The following TRIM59 variants were observed in gnomAD, a reference collection of about 807,000 sequenced individuals.
TRIM59 encodes tripartite motif-containing protein 59.
A neutral mutation model predicts 32.2 loss-of-function variants in TRIM59; 14 were observed. The observed-to-expected ratio is 0.43, with a 90% confidence interval of 0.29 to 0.68. The LOEUF (loss-of-function observed/expected upper bound fraction) is 0.68, where lower values mean the gene tolerates loss of function less well. TRIM59 is among the 30% of genes least tolerant of loss of function. The probability of loss-of-function intolerance (pLI) is 0.15; values close to 1 mark genes in which losing one functional copy is unlikely to be tolerated. For missense variants in TRIM59, 471 were observed against 463.3 expected (o/e 1.02, Z -0.15); for synonymous variants, 163 against 155.1 (o/e 1.05, Z -0.38).
Position 160,437,142 on chromosome 3 carries a change from AG to A in TRIM59, c.*829del. The A allele has an allele frequency of 1.2e-6, 1 of 862,824 alleles. No individual in the cohort carries two copies. The highest frequency in any genetic ancestry group is 1.4e-6 in the Non-Finnish European group (1 of 718,400). 53.4% of individuals were successfully genotyped at this position (862,824 alleles called of 1,614,324 possible). A position where few individuals can be genotyped will look rare whatever the true frequency, so the allele number is the denominator to read the frequency against. On this transcript the variant is annotated 3_prime_UTR_variant, in exon 3 of 3. Coordinates refer to ENST00000309784, the MANE Select transcript of TRIM59 (RefSeq NM_173084.3). The stretch of plus-strand genomic sequence containing the variant: ...CAAGGTGGGCAGATCTCTTGAGCCC[AG>A]AAGTTTGAGACCAACCTGGGCAATA...
At chr3:160,442,399 T>G (rs1232256889) in intron 2 of TRIM59, among the ~76,000 whole-genome samples, 1 of 152,184 alleles carries the variant, frequency 6.6e-6, no homozygotes, top group East Asian at 1.9e-4. Flanking sequence ...CTGGCCAACA[T>G]GGTGAAACCC....
rs1311412860 is a variant in TRIM59 at position 160,438,164 on chromosome 3, T to C, written c.1020A>G (p.Val340=). ...LNIVVVTLIS[V]ILMSILFFNQ... is the part of the protein sequence containing the mutation. ...TGAAAAAGAGTATCGACATCAGTAT[T>C]ACTGAAATTAATGTAACTACAACAA... is the stretch of plus-strand genomic sequence containing the variant. The change falls in exon 3 of 3, where the codon GTA becomes GTG. Residue 340 remains valine (V), a synonymous_variant. Transcript: ENST00000309784. 3 of 1,612,066 alleles carry C rather than the reference T, an allele frequency of 1.9e-6. No homozygotes were observed. Among genetic ancestry groups the C allele is most frequent in the Non-Finnish European group, 2.5e-6 (3 of 1,179,328 alleles).
Position 160,449,729 on chromosome 3 carries a change from G to A in TRIM59, c.-86C>T, listed in dbSNP as rs1394836351. The A allele has an allele frequency of 6.2e-6, 8 of 1,289,994 alleles. No homozygotes were observed. The highest frequency in any genetic ancestry group is 1.1e-4 in the East Asian group (2 of 18,022). 79.9% of individuals were successfully genotyped at this position (1,289,994 alleles called of 1,614,324 possible). The stretch of plus-strand genomic sequence containing the variant: ...TCCTTAGACTCACCGCGGGGAGGAA[G>A]CGGACCAGGCAACTCCACAGCACGG... On this transcript the variant is annotated 5_prime_UTR_variant, in exon 1 of 3. Coordinates refer to ENST00000309784, the MANE Select transcript of TRIM59 (RefSeq NM_173084.3).
In TRIM59 at chr3:160,436,069, G is replaced by C. The variant is rs934144157; in HGVS notation, c.*1903C>G. 8.6e-6 allele frequency: 10 copies of C among 1,167,652 alleles called. No homozygotes were observed. The highest frequency in any genetic ancestry group is 3.9e-4 in the Middle Eastern group (1 of 2,580). The allele number at this position is 1,167,652 out of a possible 1,614,324, so 72.3% of individuals were successfully genotyped here. ...TATTTTTATCTCTAGCTGAGTATGT[G>C]TCTCTCCTTACCTCTACTATGCCCT... is the stretch of plus-strand genomic sequence containing the variant. On this transcript the variant is annotated 3_prime_UTR_variant, in exon 3 of 3. Transcript: ENST00000309784.
rs183644725 is a variant in TRIM59 at position 160,441,670 on chromosome 3, C to T, written c.-3-2484G>A. 4.7e-5 allele frequency among the ~76,000 whole-genome samples: 7 copies of T among 149,252 alleles called. No homozygotes were observed. The East Asian group carries it at 7.9e-4, about 17-fold the overall frequency. Reference sequence around the variant, plus strand: ...TTGGGAGGCTAAGGCAGGAGAATGGCGTCAACCCGGGAGGCAGAGCTTGCA... The same window carrying T: ...TTGGGAGGCTAAGGCAGGAGAATGGTGTCAACCCGGGAGGCAGAGCTTGCA... On this transcript the variant is annotated intron_variant, in intron 2 of 2. Coordinates refer to ENST00000309784, the MANE Select transcript of TRIM59 (RefSeq NM_173084.3).
Position 160,437,872 on chromosome 3 carries a change from C to A in TRIM59, c.*100G>T. 2 of 1,371,188 alleles carry A rather than the reference C, an allele frequency of 1.5e-6. No individual in the cohort carries two copies. The highest frequency in any genetic ancestry group is 2.6e-5 in the East Asian group (1 of 38,444). The allele number at this position is 1,371,188 out of a possible 1,614,324, so 84.9% of individuals were successfully genotyped here. On this transcript the variant is annotated 3_prime_UTR_variant, in exon 3 of 3. Coordinates refer to ENST00000309784, the MANE Select transcript of TRIM59 (RefSeq NM_173084.3). ...TATAAACATTTGTTTATATTAGTTG[C>A]AGCACTAATAAAGCTTAGTTTGCTC...
At chr3:160,439,672 T>C (rs1338723867) in intron 2 of TRIM59, among the ~76,000 whole-genome samples, 1 of 152,172 alleles carries the variant, frequency 6.6e-6, no homozygotes, top group Non-Finnish European at 1.5e-5. Context: ...TCTCTTTTCT[T>C]GTCTGCCGCC....
rs554826264 is a variant in TRIM59, at chr3:160,435,560, AT to A, written c.*2411del. Reference sequence around the variant, plus strand: ...ATTTTGTTATACATAAAACTTAGAAATATTTCAAGATTTACATACATCAACT... The same window carrying A: ...ATTTTGTTATACATAAAACTTAGAAAATTTCAAGATTTACATACATCAACT... On this transcript the variant is annotated 3_prime_UTR_variant, in exon 3 of 3. Coordinates refer to ENST00000309784, the MANE Select transcript of TRIM59 (RefSeq NM_173084.3). 24 of 168,496 alleles carry A rather than the reference AT, an allele frequency of 1.4e-4. No homozygotes were observed. The South Asian group carries it at 3.1e-3, about 22-fold the overall frequency. The allele number at this position is 168,496 out of a possible 1,614,324, so 10.4% of individuals were successfully genotyped here. A position where few individuals can be genotyped will look rare whatever the true frequency, so the allele number is the denominator to read the frequency against.
rs917000264 is a variant in TRIM59, at chr3:160,435,532, CAT to C, written c.*2438_*2439del. 1.8e-5 allele frequency: 3 copies of C among 165,762 alleles called. No individual in the cohort carries two copies. Among genetic ancestry groups the C allele is most frequent in the African/African-American group, 7.2e-5 (3 of 41,578 alleles). 10.3% of individuals were successfully genotyped at this position (165,762 alleles called of 1,614,324 possible). ...ATATCAAAAGAAGTTTATTAAAATA[CAT>C]ATTTTGTTATACATAAAACTTAGAA... is the stretch of plus-strand genomic sequence containing the variant. On this transcript the variant is annotated 3_prime_UTR_variant, in exon 3 of 3. Coordinates refer to ENST00000309784, the MANE Select transcript of TRIM59 (RefSeq NM_173084.3).
chr3:160,435,916 T>C lies in TRIM59; in HGVS notation c.*2056A>G, dbSNP rs769588633. 1.3e-5 allele frequency: 17 copies of C among 1,279,202 alleles called. No individual in the cohort carries two copies. The highest frequency in any genetic ancestry group is 1.2e-4 in the South Asian group (10 of 80,592). The allele number at this position is 1,279,202 out of a possible 1,614,324, so 79.2% of individuals were successfully genotyped here. A position where few individuals can be genotyped will look rare whatever the true frequency, so the allele number is the denominator to read the frequency against. ...ATCTACAAAAAGGGGGTTAAAAATA[T>C]TCACATCACAGAAATGAGATTAAGT... On this transcript the variant is annotated 3_prime_UTR_variant, in exon 3 of 3. Coordinates refer to ENST00000309784, the MANE Select transcript of TRIM59 (RefSeq NM_173084.3).
rs555593021 is a variant in TRIM59, at chr3:160,438,345, C to A, written c.839G>T (p.Arg280Leu). The A allele has an allele frequency of 6.2e-7, 1 of 1,613,422 alleles. No homozygotes were observed. The highest frequency in any genetic ancestry group is 1.1e-5 in the South Asian group (1 of 90,966). Residue 280 changes from arginine to leucine, a missense_variant, in exon 3 of 3, where the codon CGA (arginine) becomes CTA (leucine). Physicochemically the swap from Arg to Leu is moderately radical, Grantham distance 102 (BLOSUM62 -2). Coordinates refer to ENST00000309784, the MANE Select transcript of TRIM59 (RefSeq NM_173084.3). ...TTCTTCTTTCAATATTTTGCTTACT[C>A]GAGGATAAATTTCAACGGGTTGAAC... ...PEVQPVEIYPRVSKILKEEWS... is the reference protein window; with the variant it reads ...PEVQPVEIYPLVSKILKEEWS...
chr3:160,436,182 T>C lies in TRIM59; in HGVS notation c.*1790A>G. The C allele has an allele frequency of 6.9e-6, 7 of 1,013,372 alleles. No individual in the cohort carries two copies. Among genetic ancestry groups the C allele is most frequent in the Non-Finnish European group, 8.3e-6 (7 of 846,318 alleles). The allele number at this position is 1,013,372 out of a possible 1,614,324, so 62.8% of individuals were successfully genotyped here. ...AATTGATATAATACAGTCATCTTAG[T>C]GTTAAGACTTATTCTCAGCAGGTAA... On this transcript the variant is annotated 3_prime_UTR_variant, in exon 3 of 3. Transcript: ENST00000309784.
In TRIM59 at chr3:160,438,172, TTAATG is replaced by T. The variant is rs1157247955; in HGVS notation, c.1007_1011del (p.Thr336AsnfsTer21). 1 of 1,612,398 alleles carries T rather than the reference TTAATG, an allele frequency of 6.2e-7. No individual in the cohort carries two copies. Among genetic ancestry groups the T allele is most frequent in the South Asian group, 1.1e-5 (1 of 90,600 alleles). On this transcript the variant is annotated frameshift_variant, in exon 3 of 3. Coordinates refer to ENST00000309784, the MANE Select transcript of TRIM59 (RefSeq NM_173084.3). LOFTEE classifies it high-confidence loss of function. ...AGTATCGACATCAGTATTACTGAAA[TTAATG>T]TAACTACAACAATGTTTAAAATTTT...
chr3:160,448,767 C>G lies in TRIM59; in HGVS notation c.-45G>C. 7.8e-7 allele frequency: 1 copy of G among 1,277,502 alleles called. No individual in the cohort carries two copies. Among genetic ancestry groups the G allele is most frequent in the Non-Finnish European group, 1.0e-6 (1 of 983,532 alleles). 79.1% of individuals were successfully genotyped at this position (1,277,502 alleles called of 1,614,324 possible). Reference sequence around the variant, plus strand: ...TTTGGGGGCTGAATACACTCTTCTCCAACTCCTCCAGAATCTTTTATTCTT... The same window carrying G: ...TTTGGGGGCTGAATACACTCTTCTCGAACTCCTCCAGAATCTTTTATTCTT... On this transcript the variant is annotated 5_prime_UTR_variant, in exon 2 of 3. Transcript: ENST00000309784.
At position 160,437,789 on chromosome 3, in the gene TRIM59, ATT is replaced by A; in HGVS notation, c.*181_*182del. ...TGTTACTAGATTCTGTTTCCCAAAGATTTGACTATTTCAGATATAACTTTGAC... is the reference window on the plus strand; with the variant it reads ...TGTTACTAGATTCTGTTTCCCAAAGATGACTATTTCAGATATAACTTTGAC... On this transcript the variant is annotated 3_prime_UTR_variant, in exon 3 of 3. Transcript: ENST00000309784. The A allele has an allele frequency of 8.0e-7, 1 of 1,247,766 alleles. No homozygotes were observed. The highest frequency in any genetic ancestry group is 1.6e-5 in the African/African-American group (1 of 64,428). 77.3% of individuals were successfully genotyped at this position (1,247,766 alleles called of 1,614,324 possible). A position where few individuals can be genotyped will look rare whatever the true frequency, so the allele number is the denominator to read the frequency against.
chr3:160,449,628 A>G, intron 1 of TRIM59, 89 bp downstream of exon 1: 5 of 1,289,684 alleles, frequency 3.9e-6, no homozygotes, highest in Non-Finnish European at 5.1e-6. Context: ...CTCCCCGCCC[A>G]ACACACTAGG....
intron 2 of TRIM59, among the ~76,000 whole-genome samples, chr3:160,439,694 G>A (rs1012276729): frequency 6.6e-6 from 1 of 152,108 alleles, no homozygotes; most frequent in Admixed American, 6.5e-5. Context: ...TGTGAGACGT[G>A]CCTTTCACCT....
chr3:160,449,516 C>A (rs1719709482), intron 1 of TRIM59: 2 of 1,232,036 alleles, frequency 1.6e-6, no homozygotes, highest in African/African-American at 3.1e-5. Context: ...AACGCAGCTC[C>A]ACAGTGGAGG....
intron 1 of TRIM59, 171 bp downstream of exon 1, chr3:160,449,546 A>C (rs894555932): frequency 1.9e-5 from 24 of 1,262,780 alleles, no homozygotes; most frequent in Admixed American, 2.4e-5. Context: ...GTGGCTCCCC[A>C]AACTCCAGTA....
Sources: allele counts gnomAD v4.1 joint callset (sites outside exome capture counted in the v4.1 genomes callset), GRCh38; gene constraint gnomAD v4.1.1; transcripts MANE v1.5; gene names NCBI Gene and HGNC (gene_info 2026-07-23, HGNC 2026-07-21).